The following ENTREP2 variants were observed in gnomAD, a reference collection of about 807,000 sequenced individuals.
ENTREP2 encodes the protein protein ENTREP2.
the ENTREP2 span, among the ~76,000 whole-genome samples, chr15:29,301,846 G>A: frequency 6.6e-6 from 1 of 152,200 alleles, no homozygotes; most frequent in African/African-American, 2.4e-5. Flanking sequence ...TCCACCATGT[G>A]AGGACACAGC....
the ENTREP2 span, among the ~76,000 whole-genome samples, chr15:29,494,553 C>A: frequency 6.6e-6 from 1 of 152,190 alleles, no homozygotes; most frequent in East Asian, 1.9e-4. Flanking sequence ...ACTCTCTTAG[C>A]AAATTTCAAG....
At chr15:29,259,979 G>A in the ENTREP2 span, among the ~76,000 whole-genome samples, 1 of 152,170 alleles carries the variant, frequency 6.6e-6, no homozygotes. Flanking sequence ...TTTAACTGGT[G>A]TCCAGCTTTG....
At chr15:29,456,214 T>G in the ENTREP2 span, among the ~76,000 whole-genome samples, 1 of 152,186 alleles carries the variant, frequency 6.6e-6, no homozygotes, top group African/African-American at 2.4e-5. Flanking sequence ...TGATCATTTC[T>G]ATTGGTATAG....
At chr15:29,207,144 TC>T in the ENTREP2 span, among the ~76,000 whole-genome samples, 1 of 152,104 alleles carries the variant, frequency 6.6e-6, no homozygotes, top group East Asian at 1.9e-4. Context: ...ACCTTTTTGT[TC>T]CTGGAGAGAT....
the ENTREP2 span, among the ~76,000 whole-genome samples, chr15:29,303,767 T>C: frequency 1.3e-5 from 2 of 152,148 alleles, no homozygotes; most frequent in South Asian, 4.2e-4. Context: ...GTTCTTGCAT[T>C]AATTTGCTTA....
chr15:29,626,873 A>G, the ENTREP2 span, among the ~76,000 whole-genome samples: 1 of 152,198 alleles, frequency 6.6e-6, no homozygotes, highest in South Asian at 2.1e-4. Context: ...TGATAAAGAC[A>G]AATAAAACAA....
the ENTREP2 span, among the ~76,000 whole-genome samples, chr15:29,501,507 A>G: frequency 6.6e-6 from 1 of 152,080 alleles, no homozygotes; most frequent in South Asian, 2.1e-4. Context: ...AACAGAAAAG[A>G]AAATTTCTTA....
chr15:29,203,442 A>G, the ENTREP2 span, among the ~76,000 whole-genome samples: 1 of 152,136 alleles, frequency 6.6e-6, no homozygotes, highest in South Asian at 2.1e-4. Flanking sequence ...GTTTCTCCAC[A>G]GCCTCACCAG....
At chr15:29,594,240 T>C in the ENTREP2 span, among the ~76,000 whole-genome samples, 1 of 152,212 alleles carries the variant, frequency 6.6e-6, no homozygotes, top group Non-Finnish European at 1.5e-5. Context: ...CTCATCACTC[T>C]TGGGACAAGC....
At chr15:29,291,091 T>G in the ENTREP2 span, among the ~76,000 whole-genome samples, 1 of 152,126 alleles carries the variant, frequency 6.6e-6, no homozygotes, top group Non-Finnish European at 1.5e-5. Context: ...CCCCATCCCT[T>G]TCTTCCCCCT....
At chr15:29,649,842 G>GTAA in the ENTREP2 span, among the ~76,000 whole-genome samples, 1,045 of 152,214 alleles carry the variant, frequency 6.9e-3, 8 homozygotes, top group Non-Finnish European at 9.9e-3. Context: ...GAGCAAGGAT[G>GTAA]GCCTCTTGCT....
chr15:29,651,062 A>C, the ENTREP2 span, among the ~76,000 whole-genome samples: 1 of 152,186 alleles, frequency 6.6e-6, no homozygotes, highest in Non-Finnish European at 1.5e-5. Context: ...TGAAGCTCTT[A>C]AACATCCATG....
chr15:29,386,108 G>A, the ENTREP2 span, among the ~76,000 whole-genome samples: 154 of 152,122 alleles, frequency 1.0e-3, no homozygotes, highest in South Asian at 0.014. Context: ...ATTAAACCTC[G>A]CACCCATCCT....
chr15:29,503,467 T>C, the ENTREP2 span, among the ~76,000 whole-genome samples: 1 of 152,066 alleles, frequency 6.6e-6, no homozygotes, highest in Non-Finnish European at 1.5e-5. Context: ...CTAACAGTTA[T>C]GAGATTTCTT....
chr15:29,408,640 C>T, the ENTREP2 span, among the ~76,000 whole-genome samples: 1 of 152,170 alleles, frequency 6.6e-6, no homozygotes. Context: ...CTCTGGCTGA[C>T]CCTCTCATTT....
At chr15:29,656,339 T>C in the ENTREP2 span, among the ~76,000 whole-genome samples, 6 of 152,026 alleles carry the variant, frequency 3.9e-5, no homozygotes, top group African/African-American at 1.4e-4. Context: ...AATTCTCATG[T>C]GTCAGCCTCC....
chr15:29,603,263 G>A, the ENTREP2 span, among the ~76,000 whole-genome samples: 9 of 152,212 alleles, frequency 5.9e-5, no homozygotes, highest in African/African-American at 2.2e-4. Flanking sequence ...ACCAGTGTTT[G>A]AGGCAGGTGG....
At chr15:29,648,625 G>A in the ENTREP2 span, among the ~76,000 whole-genome samples, 1 of 152,160 alleles carries the variant, frequency 6.6e-6, no homozygotes, top group Non-Finnish European at 1.5e-5. Context: ...TACCATTGAA[G>A]TTACGCAATG....
At chr15:29,385,320 C>T in the ENTREP2 span, among the ~76,000 whole-genome samples, 1 of 152,132 alleles carries the variant, frequency 6.6e-6, no homozygotes, top group Non-Finnish European at 1.5e-5. Context: ...CTTGACCTTC[C>T]CCATTCCCAT....
Sources: gnomAD v4.1 joint callset for allele counts (sites outside exome capture counted in the v4.1 genomes callset) on GRCh38, gnomAD v4.1.1 for gene constraint, MANE v1.5 for transcripts, NCBI Gene and HGNC (gene_info 2026-07-23, HGNC 2026-07-21) for gene names.